The following SLF2 variants were observed in gnomAD, a reference collection of about 807,000 sequenced individuals.
SLF2 encodes the protein SMC5-SMC6 complex localization factor protein 2.
Under a neutral mutation model 124.3 loss-of-function variants are expected in SLF2, and 68 were observed. The observed-to-expected ratio is 0.55, with a 90% CI of 0.45 to 0.67. The LOEUF (loss-of-function observed/expected upper bound fraction) is 0.67. SLF2 is among the 30% of genes least tolerant of loss of function. SLF2 has a pLI of 0.00. For missense variants in SLF2, 1,246 were observed against 1,373.7 expected (o/e 0.91, Z 1.47); for synonymous variants, 480 against 478.8 (o/e 1.00, Z -0.03).
Position 100,923,975 on chromosome 10 carries a change from CA to C in SLF2, c.975del (p.Gly326AlafsTer20). 2 of 1,496,858 alleles carry C rather than the reference CA, an allele frequency of 1.3e-6. No individual in the cohort carries two copies. The highest frequency in any genetic ancestry group is 8.9e-7 in the Non-Finnish European group (1 of 1,125,064). The allele number at this position is 1,496,858 out of a possible 1,614,324, so 92.7% of individuals were successfully genotyped here. On this transcript the variant is annotated frameshift_variant and splice_region_variant, in exon 5 of 20. Coordinates refer to ENST00000238961, the MANE Select transcript of SLF2 (RefSeq NM_018121.4). LOFTEE classifies it high-confidence loss of function. ...SSSDSWEPTS[A>X]GSKQNKFPEK... ...TAATCTAACAAAAATTAAATTTTAG[CA>C]GGCTCTAAGCAGAATAAATTCCCTG...
At chr10:100,915,924 C>A in intron 1 of SLF2, 75 bp from the exon 2 acceptor site, 1 of 1,149,498 alleles carries the variant, frequency 8.7e-7, no homozygotes, top group Non-Finnish European at 1.3e-6. Context: ...TTTTATAAAT[C>A]TTTCTCCATT....
At chr10:100,948,943 A>G (rs568559464) in intron 15 of SLF2, among the ~76,000 whole-genome samples, 9 of 152,350 alleles carry the variant, frequency 5.9e-5, no homozygotes, top group African/African-American at 1.2e-4. Flanking sequence ...TTGAATTGCA[A>G]TTTGGTACAA....
At chr10:100,925,398 A>G (rs1245144099) in intron 5 of SLF2, among the ~76,000 whole-genome samples, 2 of 152,234 alleles carry the variant, frequency 1.3e-5, no homozygotes, top group African/African-American at 2.4e-5. Context: ...TTCCATATAA[A>G]TAGAAGTTCT....
Position 100,950,226 on chromosome 10 carries a change from T to C in SLF2, c.3252+19T>C. The C allele has an allele frequency of 1.2e-6, 2 of 1,607,908 alleles. No homozygotes were observed. The highest frequency in any genetic ancestry group is 1.7e-6 in the Non-Finnish European group (2 of 1,177,024). On this transcript the variant is annotated intron_variant, in intron 16 of 19. Coordinates refer to ENST00000238961, the MANE Select transcript of SLF2 (RefSeq NM_018121.4). Reference sequence around the variant, plus strand: ...AAAGCAGGTATCCAGTGCTAGAAGGTCTCAAAGAGTACATAGAAGCATAAC... The same window carrying C: ...AAAGCAGGTATCCAGTGCTAGAAGGCCTCAAAGAGTACATAGAAGCATAAC...
At chr10:100,941,201 A>G (rs1490728277) in intron 11 of SLF2, among the ~76,000 whole-genome samples, 1 of 152,068 alleles carries the variant, frequency 6.6e-6, no homozygotes. Flanking sequence ...GTGTATATGC[A>G]TATTCATCAT....
intron 12 of SLF2, 82 bp from the exon 13 acceptor site, chr10:100,945,248 G>A: frequency 8.5e-7 from 1 of 1,178,518 alleles, no homozygotes; most frequent in Non-Finnish European, 1.2e-6. Context: ...TGCATCTTTT[G>A]TCAAAAAGAG....
intron 19 of SLF2, chr10:100,959,711 T>A: frequency 1.2e-6 from 1 of 815,406 alleles, no homozygotes; most frequent in Non-Finnish European, 1.7e-6. Context: ...TGAGCCCATT[T>A]AAAAATATTG....
At chr10:100,930,151 T>C (rs1849703274) in intron 8 of SLF2, among the ~76,000 whole-genome samples, 154 bp downstream of exon 8, 1 of 152,230 alleles carries the variant, frequency 6.6e-6, no homozygotes, top group African/African-American at 2.4e-5. Context: ...TTTTCTTCTT[T>C]AATTATAGGA....
At chr10:100,950,892 C>A in intron 17 of SLF2, 139 bp downstream of exon 17, 1 of 660,710 alleles carries the variant, frequency 1.5e-6, no homozygotes. Context: ...TATAAGAATT[C>A]CCATGTATAC....
chr10:100,942,192 C>T (rs1849994052), intron 11 of SLF2, among the ~76,000 whole-genome samples: 1 of 152,030 alleles, frequency 6.6e-6, no homozygotes, highest in African/African-American at 2.4e-5. Context: ...GCACAGAGCC[C>T]ACAGGTTAAG....
chr10:100,940,387 T>A (rs979441398), intron 11 of SLF2, among the ~76,000 whole-genome samples: 3 of 152,114 alleles, frequency 2.0e-5, no homozygotes, highest in Admixed American at 1.3e-4. Context: ...TGAGACAGGG[T>A]CTTGCTTTGT....
At chr10:100,939,711 A>G (rs867000258) in intron 11 of SLF2, among the ~76,000 whole-genome samples, 2 of 152,144 alleles carry the variant, frequency 1.3e-5, no homozygotes, top group Admixed American at 1.3e-4. Context: ...CAGACAAAGT[A>G]TTAATTTCAA....
chr10:100,958,134 T>C (rs1850366941), intron 18 of SLF2, among the ~76,000 whole-genome samples: 2 of 152,244 alleles, frequency 1.3e-5, no homozygotes, highest in South Asian at 4.1e-4. Context: ...TCTTTTAGCT[T>C]TGATAATGTA....
chr10:100,932,520 T>C (rs1391194749), intron 9 of SLF2, among the ~76,000 whole-genome samples: 1 of 152,096 alleles, frequency 6.6e-6, no homozygotes, highest in Non-Finnish European at 1.5e-5. Flanking sequence ...TCAAGAAATC[T>C]CGTATTTGGT....
intron 10 of SLF2, among the ~76,000 whole-genome samples, chr10:100,938,163 T>C (rs1849901971): frequency 6.6e-6 from 1 of 152,230 alleles, no homozygotes; most frequent in African/African-American, 2.4e-5. Flanking sequence ...GCATCCACTG[T>C]AAAAGTGTAA....
At chr10:100,941,029 T>C (rs1483191767) in intron 11 of SLF2, among the ~76,000 whole-genome samples, 1 of 147,456 alleles carries the variant, frequency 6.8e-6, no homozygotes, top group Admixed American at 6.8e-5. Flanking sequence ...TTATAGAGAG[T>C]GGATCTGGCT....
At chr10:100,925,369 A>G (rs1016519405) in intron 5 of SLF2, among the ~76,000 whole-genome samples, 4 of 152,254 alleles carry the variant, frequency 2.6e-5, no homozygotes, top group African/African-American at 9.6e-5. Flanking sequence ...ACTAAGTTCT[A>G]CTGGAGTCTC....
chr10:100,916,713 C>A lies in SLF2; in HGVS notation c.328C>A (p.Pro110Thr). Residue 110 changes from proline to threonine, a missense_variant, in exon 3 of 20, where the codon CCT becomes ACT. Transcript: ENST00000238961. ...CAAAAGGGTGCCACCAGAAAAGAGC[C>A]CTATTATAGAAGCTTTCATGAAAGG... ...KPKRVPPEKS[P>T]IIEAFMKGVK... The A allele has an allele frequency of 6.4e-7, 1 of 1,560,070 alleles. No individual in the cohort carries two copies. Among genetic ancestry groups the A allele is most frequent in the Non-Finnish European group, 8.6e-7 (1 of 1,160,258 alleles).
intron 11 of SLF2, among the ~76,000 whole-genome samples, chr10:100,943,185 A>G (rs1850013870): frequency 6.6e-6 from 1 of 152,250 alleles, no homozygotes; most frequent in Non-Finnish European, 1.5e-5. Flanking sequence ...TATAAATAAC[A>G]AAAGAGGCTC....
Sources: allele counts gnomAD v4.1 joint callset (sites outside exome capture counted in the v4.1 genomes callset), GRCh38; gene constraint gnomAD v4.1.1; transcripts MANE v1.5; gene names NCBI Gene and HGNC (gene_info 2026-07-23, HGNC 2026-07-21).